Variants in ZBTB7A observed in about 807,000 individuals in gnomAD.
ZBTB7A encodes the protein zinc finger and BTB domain containing 7A.
A neutral mutation model predicts 26.7 loss-of-function variants in ZBTB7A; 7 were observed. The observed-to-expected ratio is 0.26, with a 90% CI of 0.15 to 0.49. The LOEUF (loss-of-function observed/expected upper bound fraction) is 0.49. Ranked by LOEUF, ZBTB7A falls within the 20% of genes least tolerant of loss-of-function variation. The pLI is 0.98. For synonymous variants in ZBTB7A, 452 were observed against 441.0 expected, an observed-to-expected ratio of 1.02 and a Z score of -0.31; for missense variants, 617 against 919.5, an observed-to-expected ratio of 0.67 and a Z score of 4.25.
rs747360801 is a variant in ZBTB7A, at chr19:4,047,843, C to T, written c.1664G>A (p.Arg555Gln). Residue 555 changes from arginine (R) to glutamine (Q), a missense_variant, in exon 3 of 3, where the codon CGG (arginine) becomes CAG (glutamine). Around this residue, in one of 5 missense-constraint regions of ZBTB7A, gnomAD observed 136 missense variants for 126.6 expected, o/e 1.07. Transcript: ENST00000322357. ...TCCACCGGCGCCCGCTACATTCAAC[C>T]GGCCCAAGCCGTCGGGGCTGGCCAC... Reference protein sequence around the residue: ...EDVASPDGLGRLNVAGAGGGG... With the variant: ...EDVASPDGLGQLNVAGAGGGG... The T allele has an allele frequency of 6.9e-6, 11 of 1,605,786 alleles. No homozygotes were observed. Among genetic ancestry groups the T allele is most frequent in the African/African-American group, 1.3e-5 (1 of 74,326 alleles).
chr19:4,065,131 G>A (rs1164522465), intron 1 of ZBTB7A, among the ~76,000 whole-genome samples: 1 of 151,704 alleles, frequency 6.6e-6, no homozygotes, highest in Non-Finnish European at 1.5e-5. Flanking sequence ...CCGGGCTCAG[G>A]CTTCGCACGT....
At chr19:4,053,853 A>C (rs889215989) in intron 2 of ZBTB7A, 118 bp downstream of exon 2, 81 of 1,189,684 alleles carry the variant, frequency 6.8e-5, no homozygotes, top group Non-Finnish European at 9.0e-5. Context: ...ACGTGCGTGT[A>C]TGTGTGCGTC....
rs1361074242 is a variant in ZBTB7A, at chr19:4,044,755, C to A, written c.*2997G>T. ...AAAAGAAAACACAAAAAACCCCAAA[C>A]AACCAAACAAAAAAGCTTTGAGCTG... is the stretch of plus-strand genomic sequence containing the variant. On this transcript the variant is annotated 3_prime_UTR_variant, in exon 3 of 3. Coordinates refer to ENST00000322357, the MANE Select transcript of ZBTB7A (RefSeq NM_015898.4). The A allele has an allele frequency of 2.2e-5, 3 of 136,154 alleles. No individual in the cohort carries two copies. The highest frequency in any genetic ancestry group is 4.7e-5 in the Non-Finnish European group (3 of 63,394). 8.4% of individuals were successfully genotyped at this position (136,154 alleles called of 1,614,324 possible).
Position 4,047,707 on chromosome 19 carries a change from CTCTG to C in ZBTB7A, c.*41_*44del, listed in dbSNP as rs749992806. On this transcript the variant is annotated 3_prime_UTR_variant, in exon 3 of 3. Transcript: ENST00000322357. The stretch of plus-strand genomic sequence containing the variant: ...GTGGTGGGTGATTTTTTTTCTCTCT[CTCTG>C]TCTCTCTCTTTCTCGGGTTTCTGTT... 6.5e-7 allele frequency: 1 copy of C among 1,549,122 alleles called. No individual in the cohort carries two copies. Among genetic ancestry groups the C allele is most frequent in the Non-Finnish European group, 8.7e-7 (1 of 1,150,874 alleles).
intron 2 of ZBTB7A, among the ~76,000 whole-genome samples, chr19:4,050,313 G>C (rs1019755171): frequency 7.2e-5 from 11 of 152,058 alleles, no homozygotes; most frequent in African/African-American, 2.7e-4. Flanking sequence ...CGCCTGCCTC[G>C]GCCTCCCAAA....
At chr19:4,065,842 G>C (rs1337731302) in intron 1 of ZBTB7A, 4 of 142,430 alleles carry the variant, frequency 2.8e-5, no homozygotes, top group African/African-American at 1.0e-4. Context: ...CCCGCGGGCC[G>C]CGCAGCCGGA....
Position 4,047,709 on chromosome 19 carries a change from C to G in ZBTB7A, c.*43G>C, listed in dbSNP as rs752503823. On this transcript the variant is annotated 3_prime_UTR_variant, in exon 3 of 3. Coordinates refer to ENST00000322357, the MANE Select transcript of ZBTB7A (RefSeq NM_015898.4). ...GGTGGGTGATTTTTTTTCTCTCTCT[C>G]TGTCTCTCTCTTTCTCGGGTTTCTG... The G allele has an allele frequency of 3.2e-5, 49 of 1,550,928 alleles. No homozygotes were observed. The highest frequency in any genetic ancestry group is 4.2e-5 in the Non-Finnish European group (48 of 1,152,204).
chr19:4,058,196 C>G (rs1051037820), intron 1 of ZBTB7A, among the ~76,000 whole-genome samples: 2 of 152,222 alleles, frequency 1.3e-5, no homozygotes, highest in Non-Finnish European at 2.9e-5. Flanking sequence ...CTGTGAGTAA[C>G]AGAGACCGGG....
Position 4,052,561 on chromosome 19 carries a change from G to A in ZBTB7A, c.1262+1410C>T, listed in dbSNP as rs1026564519. Among the ~76,000 whole-genome samples, 6 of 152,118 alleles carry A rather than the reference G, an allele frequency of 3.9e-5. No individual in the cohort carries two copies. Among genetic ancestry groups the A allele is most frequent in the Non-Finnish European group, 7.4e-5 (5 of 67,986 alleles). On this transcript the variant is annotated intron_variant, in intron 2 of 2. Coordinates refer to ENST00000322357, the MANE Select transcript of ZBTB7A (RefSeq NM_015898.4). This position sits in a 1 kb window ranked among gnomAD's most constrained non-coding sequence, Gnocchi z 4.9. ...TGTCCCCACGGGGTGGGGTTGGGAA[G>A]CTGGGACAATGGCCTCTTTCTTCAG...
intron 1 of ZBTB7A, among the ~76,000 whole-genome samples, chr19:4,065,164 A>AG (rs1396523877): frequency 1.3e-5 from 2 of 150,596 alleles, no homozygotes; most frequent in Admixed American, 6.6e-5. Flanking sequence ...AAGGGAAAGG[A>AG]GGGGGGGTCC....
intron 1 of ZBTB7A, among the ~76,000 whole-genome samples, chr19:4,066,185 T>C (rs2040694410): frequency 1.4e-5 from 1 of 72,878 alleles, no homozygotes; most frequent in Admixed American, 2.0e-4. Context: ...CCCCTCCCTG[T>C]TTTTTCAGCC....
intron 1 of ZBTB7A, chr19:4,061,823 A>T (rs1054801761): frequency 1.3e-5 from 2 of 152,238 alleles, no homozygotes; most frequent in Non-Finnish European, 2.9e-5. Context: ...CTGAGATGTC[A>T]TGGGCCAGGA....
chr19:4,046,419 T>G lies in ZBTB7A; in HGVS notation c.*1333A>C, dbSNP rs113080588. 2.4e-4 allele frequency: 36 copies of G among 150,748 alleles called. No homozygotes were observed. Among genetic ancestry groups the G allele is most frequent in the African/African-American group, 8.4e-4 (31 of 36,758 alleles). 9.3% of individuals were successfully genotyped at this position (150,748 alleles called of 1,614,324 possible). Reference sequence around the variant, plus strand: ...TCTGCTCTCGCTCTCTCTCTCGCTCTCTCTCTCGCTCGCTTTTTTTTTTTT... The same window carrying G: ...TCTGCTCTCGCTCTCTCTCTCGCTCGCTCTCTCGCTCGCTTTTTTTTTTTT... On this transcript the variant is annotated 3_prime_UTR_variant, in exon 3 of 3. Coordinates refer to ENST00000322357, the MANE Select transcript of ZBTB7A (RefSeq NM_015898.4).
In ZBTB7A at chr19:4,066,838, A is replaced by C. The variant is rs995804431; in HGVS notation, c.-172T>G. ...GCGGCGGCGGCGTCACTGCCCCTAC[A>C]GTAACTGTACAGTACAGCCAAAGCC... On this transcript the variant is annotated 5_prime_UTR_variant, in exon 1 of 3. Transcript: ENST00000322357. The C allele has an allele frequency of 6.6e-6, 1 of 151,346 alleles. No homozygotes were observed. The highest frequency in any genetic ancestry group is 6.6e-5 in the Admixed American group (1 of 15,198). The allele number at this position is 151,346 out of a possible 1,614,324, so 9.4% of individuals were successfully genotyped here.
chr19:4,050,227 T>C (rs1353123873), intron 2 of ZBTB7A, among the ~76,000 whole-genome samples: 1 of 151,946 alleles, frequency 6.6e-6, no homozygotes, highest in Non-Finnish European at 1.5e-5. Flanking sequence ...ACCTGGCTGA[T>C]TTTTGTATTT....
At chr19:4,049,449 C>T (rs1406630591) in intron 2 of ZBTB7A, among the ~76,000 whole-genome samples, 1 of 151,572 alleles carries the variant, frequency 6.6e-6, no homozygotes, top group Non-Finnish European at 1.5e-5. Flanking sequence ...ATTCATGCCA[C>T]AGACCTTTGC....
chr19:4,053,741 T>C (rs1189542733), intron 2 of ZBTB7A, among the ~76,000 whole-genome samples: 1 of 151,748 alleles, frequency 6.6e-6, no homozygotes, highest in Non-Finnish European at 1.5e-5. Context: ...TGTGCATGTG[T>C]GTGCATGTGC....
At chr19:4,053,825 G>A (rs1259086296) in intron 2 of ZBTB7A, 146 bp downstream of exon 2, 3 of 891,046 alleles carry the variant, frequency 3.4e-6, no homozygotes, top group African/African-American at 1.7e-5. Flanking sequence ...GTGTCTGTGC[G>A]TGTACGTGTC....
intron 2 of ZBTB7A, among the ~76,000 whole-genome samples, chr19:4,050,350 C>A (rs140543576): frequency 6.7e-6 from 1 of 150,338 alleles, no homozygotes; most frequent in South Asian, 2.1e-4. Context: ...CGTGAGCCAC[C>A]GCGCCCGGCC....
Sources: gnomAD v4.1 joint callset for allele counts (sites outside exome capture counted in the v4.1 genomes callset) on GRCh38, gnomAD v4.1.1 for gene constraint, gnomAD v4.1.1 regional missense constraint, Gnocchi (gnomAD v3.1) non-coding constraint, MANE v1.5 for transcripts, NCBI Gene and HGNC (gene_info 2026-07-23, HGNC 2026-07-21) for gene names.